Variants in SLC6A11 observed in about 807,000 individuals in gnomAD.
SLC6A11 encodes the protein sodium- and chloride-dependent GABA transporter 3.
In SLC6A11, 25 loss-of-function variants were observed where a neutral mutation model predicts 74.8. That is an observed-to-expected ratio of 0.33 (90% CI 0.24 to 0.47). SLC6A11 has a LOEUF of 0.47. SLC6A11 is among the 20% of genes least tolerant of loss of function. The pLI, the probability that SLC6A11 is intolerant of heterozygous loss-of-function variation, is 1.00. For synonymous variants in SLC6A11, 330 were observed against 330.2 expected, an observed-to-expected ratio of 1.00 and a Z score of 0.01; for missense variants, 574 against 837.0, an observed-to-expected ratio of 0.69 and a Z score of 3.88.
chr3:10,876,737 GCCCC>G lies in SLC6A11; in HGVS notation c.891+1652_891+1655del, dbSNP rs71055841. ...GTGGCACCTACACCTTAAACGCCCC[GCCCC>G]CCCCCCCCCGCCCCACCTCCCACAC... is the stretch of plus-strand genomic sequence containing the variant. On this transcript the variant is annotated intron_variant, in intron 6 of 13. Coordinates refer to ENST00000254488, the MANE Select transcript of SLC6A11 (RefSeq NM_014229.3). Among the ~76,000 whole-genome samples, 13 of 24,176 alleles carry G rather than the reference GCCCC, an allele frequency of 5.4e-4. No homozygotes were observed. In the East Asian group the frequency reaches 5.6e-3, roughly 10 times the overall value. 15.9% of individuals were successfully genotyped at this position (24,176 alleles called of 152,430 possible).
At chr3:10,910,557 G>T (rs747340683) in intron 6 of SLC6A11, among the ~76,000 whole-genome samples, 7 of 152,136 alleles carry the variant, frequency 4.6e-5, no homozygotes, top group Non-Finnish European at 8.8e-5. Flanking sequence ...TGGTAAGCAA[G>T]CAGAGACTAT....
At chr3:10,869,459 A>G (rs77746327) in intron 5 of SLC6A11, among the ~76,000 whole-genome samples, 6,953 of 152,338 alleles carry the variant, frequency 0.046, 522 homozygotes, top group African/African-American at 0.16. Flanking sequence ...GACTTGGAGG[A>G]ATCCTCTGCC....
At chr3:10,863,727 C>A (rs1320718345) in intron 5 of SLC6A11, among the ~76,000 whole-genome samples, 1 of 152,118 alleles carries the variant, frequency 6.6e-6, no homozygotes, top group Non-Finnish European at 1.5e-5. Flanking sequence ...TTCCTCATCT[C>A]CACTGTCCCA....
At chr3:10,898,911 C>G (rs747277598) in intron 6 of SLC6A11, among the ~76,000 whole-genome samples, 1 of 152,182 alleles carries the variant, frequency 6.6e-6, no homozygotes, top group Non-Finnish European at 1.5e-5. Flanking sequence ...TTGGACTTAA[C>G]AGTTCCATGT....
chr3:10,853,601 G>A (rs1694603661), intron 5 of SLC6A11, among the ~76,000 whole-genome samples: 1 of 152,142 alleles, frequency 6.6e-6, no homozygotes, highest in Non-Finnish European at 1.5e-5. Flanking sequence ...GGCAGGCTGG[G>A]ACTCTCTACA....
intron 4 of SLC6A11, chr3:10,825,468 A>G (rs192569852): frequency 6.6e-6 from 1 of 152,286 alleles, no homozygotes. Flanking sequence ...ACAGATAGAA[A>G]TTGTTAATAC....
intron 8 of SLC6A11, among the ~76,000 whole-genome samples, chr3:10,922,192 G>A (rs1161106587): frequency 6.6e-6 from 1 of 152,118 alleles, no homozygotes; most frequent in African/African-American, 2.4e-5. Context: ...CAGTGGACAT[G>A]GAACATTCAC....
At chr3:10,841,850 C>T (rs992789436) in intron 4 of SLC6A11, among the ~76,000 whole-genome samples, 1 of 152,164 alleles carries the variant, frequency 6.6e-6, no homozygotes, top group Admixed American at 6.5e-5. Context: ...TGTGCATGTG[C>T]ATACGCGTGC....
chr3:10,882,654 A>C (rs1694996245), intron 6 of SLC6A11, among the ~76,000 whole-genome samples: 1 of 152,210 alleles, frequency 6.6e-6, no homozygotes, highest in Non-Finnish European at 1.5e-5. Context: ...AAGGAAGAAC[A>C]ATTTCTAGTA....
chr3:10,886,365 C>T (rs188314288), intron 6 of SLC6A11, among the ~76,000 whole-genome samples: 1 of 152,328 alleles, frequency 6.6e-6, no homozygotes, highest in Admixed American at 6.5e-5. Flanking sequence ...CTGTCCCATA[C>T]AGCCTTGGGC....
Position 10,918,968 on chromosome 3 carries a change from C to T in SLC6A11, c.1120+515C>T, listed in dbSNP as rs1695497424. Among the ~76,000 whole-genome samples the T allele has an allele frequency of 6.6e-6, 1 of 152,148 alleles. No individual in the cohort carries two copies. Among genetic ancestry groups the T allele is most frequent in the Admixed American group, 6.5e-5 (1 of 15,282 alleles). On this transcript the variant is annotated intron_variant, in intron 8 of 13. Coordinates refer to ENST00000254488, the MANE Select transcript of SLC6A11 (RefSeq NM_014229.3). This position sits in a 1 kb window ranked among gnomAD's most constrained non-coding sequence, Gnocchi z 4.5. ...TCCTGTGGCCCCACCAGCCTCACCA[C>T]CTACGATTCCCCCACACTCACTCGG...
intron 5 of SLC6A11, among the ~76,000 whole-genome samples, chr3:10,862,385 A>G (rs1452084178): frequency 6.6e-6 from 1 of 152,222 alleles, no homozygotes; most frequent in Non-Finnish European, 1.5e-5. Context: ...CGTAAAAATC[A>G]GTAGCATTGA....
chr3:10,837,696 G>T (rs934604784), intron 4 of SLC6A11, among the ~76,000 whole-genome samples: 1 of 152,198 alleles, frequency 6.6e-6, no homozygotes, highest in Non-Finnish European at 1.5e-5. Flanking sequence ...CCTGAGGGTG[G>T]AACAGCCTGC....
At chr3:10,886,056 G>A (rs78792083) in intron 6 of SLC6A11, among the ~76,000 whole-genome samples, 4,560 of 152,286 alleles carry the variant, frequency 0.03, 123 homozygotes, top group East Asian at 0.11. Context: ...CTGCATGGTG[G>A]TCAGGAAGTA....
chr3:10,929,135 C>T (rs2106633607), intron 9 of SLC6A11, 67 bp from the exon 10 acceptor site: 1 of 1,576,634 alleles, frequency 6.3e-7, no homozygotes, highest in African/African-American at 1.3e-5. Flanking sequence ...GCTGCGCTTG[C>T]CCAGAGCCTG....
At chr3:10,896,915 G>A (rs180810892) in intron 6 of SLC6A11, among the ~76,000 whole-genome samples, 1 of 152,268 alleles carries the variant, frequency 6.6e-6, no homozygotes, top group Admixed American at 6.5e-5. Context: ...ACACATACCC[G>A]AGACTGGACA....
At chr3:10,855,081 G>A (rs1036072241) in intron 5 of SLC6A11, among the ~76,000 whole-genome samples, 3 of 152,106 alleles carry the variant, frequency 2.0e-5, no homozygotes, top group Non-Finnish European at 2.9e-5. Context: ...GGGGGGCAGT[G>A]AATAGCTATG....
chr3:10,878,755 C>A (rs1360705798), intron 6 of SLC6A11, among the ~76,000 whole-genome samples: 2 of 152,062 alleles, frequency 1.3e-5, no homozygotes, highest in Non-Finnish European at 2.9e-5. Flanking sequence ...CTTTCTCAGG[C>A]AAGTCTTTTC....
chr3:10,854,141 A>C (rs998870338), intron 5 of SLC6A11, among the ~76,000 whole-genome samples: 1 of 152,210 alleles, frequency 6.6e-6, no homozygotes, highest in Non-Finnish European at 1.5e-5. Flanking sequence ...TAATCCCAAC[A>C]CTTTGGGAGG....
Sources: allele counts gnomAD v4.1 joint callset (sites outside exome capture counted in the v4.1 genomes callset), GRCh38; gene constraint gnomAD v4.1.1; non-coding constraint Gnocchi (gnomAD v3.1); transcripts MANE v1.5; gene names NCBI Gene and HGNC (gene_info 2026-07-23, HGNC 2026-07-21).